Variants in CEACAM4 observed in about 807,000 individuals in gnomAD.
CEACAM4 encodes the protein cell adhesion molecule CEACAM4.
In CEACAM4, 30 loss-of-function variants were observed where a neutral mutation model predicts 28.7. That is an observed-to-expected ratio of 1.05 (90% CI 0.78 to 1.42). The LOEUF (loss-of-function observed/expected upper bound fraction) is 1.42, where lower values mean the gene tolerates loss of function less well. Among genes scored for constraint, CEACAM4 ranks in the 40% most tolerant of loss-of-function variants. CEACAM4 has a pLI of 0.00. For missense variants in CEACAM4, 330 were observed against 308.2 expected, an observed-to-expected ratio of 1.07 and a Z score of -0.53; for synonymous variants, 143 against 126.5, an observed-to-expected ratio of 1.13 and a Z score of -0.87.
Position 41,619,250 on chromosome 19 carries a change from G to C in CEACAM4, c.*80C>G. ...ACTCAGAGCTGGTTCTCTGGCTCAG[G>C]CTCCATGTCCTTCCCCGTCCCCAGG... On this transcript the variant is annotated 3_prime_UTR_variant, in exon 7 of 7. Coordinates refer to ENST00000221954, the MANE Select transcript of CEACAM4 (RefSeq NM_001817.4). 8.4e-7 allele frequency: 1 copy of C among 1,184,220 alleles called. No homozygotes were observed. Among genetic ancestry groups the C allele is most frequent in the Non-Finnish European group, 1.3e-6 (1 of 793,368 alleles). The allele number at this position is 1,184,220 out of a possible 1,614,324, so 73.4% of individuals were successfully genotyped here.
At chr19:41,626,533 C>A (rs532926683) in intron 1 of CEACAM4, among the ~76,000 whole-genome samples, 2 of 152,198 alleles carry the variant, frequency 1.3e-5, no homozygotes, top group Non-Finnish European at 2.9e-5. Flanking sequence ...AGGTTTATTT[C>A]CCAGTGTCTG....
chr19:41,619,520 T>C, intron 6 of CEACAM4, 125 bp from the exon 7 acceptor site: 1 of 1,554,608 alleles, frequency 6.4e-7, no homozygotes, highest in South Asian at 1.2e-5. Context: ...AGGGGGTCCC[T>C]GTTCCCAGGC....
chr19:41,626,984 C>T lies in CEACAM4; in HGVS notation c.-21G>A, dbSNP rs1555804596. 3.1e-6 allele frequency: 5 copies of T among 1,592,366 alleles called. No homozygotes were observed. The highest frequency in any genetic ancestry group is 2.7e-5 in the African/African-American group (2 of 73,492). Reference sequence around the variant, plus strand: ...CCCATGGTCTCTGCTGCCTGCTTGTCCTCTGTGGAGAGGAGCTGGGCTCCA... The same window carrying T: ...CCCATGGTCTCTGCTGCCTGCTTGTTCTCTGTGGAGAGGAGCTGGGCTCCA... On this transcript the variant is annotated 5_prime_UTR_variant, in exon 1 of 7. Transcript: ENST00000221954.
downstream of CEACAM4, among the ~76,000 whole-genome samples, chr19:41,616,648 C>T (rs2070988759): frequency 1.3e-5 from 2 of 152,164 alleles, no homozygotes; most frequent in Admixed American, 1.3e-4. Context: ...GCACAAGGCT[C>T]AGCCTGGAGG....
At chr19:41,622,801 C>T (rs1481838999) in intron 2 of CEACAM4, among the ~76,000 whole-genome samples, 2 of 152,080 alleles carry the variant, frequency 1.3e-5, no homozygotes, top group African/African-American at 2.4e-5. Flanking sequence ...CACAACCACT[C>T]TGAGATCCAG....
intron 2 of CEACAM4, among the ~76,000 whole-genome samples, chr19:41,623,419 A>ATTTTTTTTTTTTTTTTTT (rs57004828): frequency 2.9e-5 from 3 of 105,058 alleles, no homozygotes; most frequent in Admixed American, 1.0e-4. Flanking sequence ...TTCGAACTGC[A>ATTTTTTTTTTTTTTTTTT]TTTTTTTTTT....
At position 41,619,794 on chromosome 19, in the gene CEACAM4, G is replaced by A. The variant is rs553718518; in HGVS notation, c.628-83C>T. ...GCCTGGAAGGTTCCTGTCTCTGATC[G>A]GCCAGGACTTACTTCCCTGCCTCCA... On this transcript the variant is annotated intron_variant, in intron 5 of 6. Transcript: ENST00000221954. The A allele has an allele frequency of 8.2e-5, 97 of 1,178,712 alleles. 1 individual carries two copies. In the South Asian group the frequency reaches 1.4e-3, roughly 17 times the overall value. The allele number at this position is 1,178,712 out of a possible 1,614,324, so 73.0% of individuals were successfully genotyped here.
At chr19:41,616,596 C>T (rs2070988051), downstream of CEACAM4, among the ~76,000 whole-genome samples, 1 of 151,950 alleles carries the variant, frequency 6.6e-6, no homozygotes, top group Non-Finnish European at 1.5e-5. Flanking sequence ...GATTATTTGC[C>T]TATGGAAAGA....
intron 3 of CEACAM4, 66 bp from the exon 4 acceptor site, chr19:41,620,693 G>A: frequency 7.6e-7 from 1 of 1,316,052 alleles, no homozygotes; most frequent in Non-Finnish European, 1.1e-6. Flanking sequence ...GCAGAATAAA[G>A]GACAAGGAAG....
chr19:41,619,303 A>T lies in CEACAM4; in HGVS notation c.*27T>A. ...TGGGAGCTTCGGGGACGCTCCATCA[A>T]CCCACAAGAGCAGCTCCCAGAGGAA... is the stretch of plus-strand genomic sequence containing the variant. On this transcript the variant is annotated 3_prime_UTR_variant, in exon 7 of 7. Coordinates refer to ENST00000221954, the MANE Select transcript of CEACAM4 (RefSeq NM_001817.4). The T allele has an allele frequency of 6.2e-7, 1 of 1,604,364 alleles. No individual in the cohort carries two copies. Among genetic ancestry groups the T allele is most frequent in the South Asian group, 1.1e-5 (1 of 90,878 alleles).
chr19:41,621,810 T>C (rs2071311383), intron 2 of CEACAM4, 42 bp from the exon 3 acceptor site: 1 of 1,222,566 alleles, frequency 8.2e-7, no homozygotes, highest in Non-Finnish European at 1.2e-6. Flanking sequence ...CCCAAGTTTG[T>C]TCCAAGGGAA....
Position 41,625,830 on chromosome 19 carries a change from A to G in CEACAM4, c.195T>C (p.Tyr65=), listed in dbSNP as rs782193894. ...CTGCCGTTTTCCCCTTGTGCCAATAATAGGCTTGAATAGTTTCTGAAATAT... is the reference window on the plus strand; with the variant it reads ...CTGCCGTTTTCCCCTTGTGCCAATAGTAGGCTTGAATAGTTTCTGAAATAT... ...ACNISETIQA[Y]YWHKGKTAEG... Residue 65 remains tyrosine (Y), a synonymous_variant, in exon 2 of 7, where the codon TAT becomes TAC. Coordinates refer to ENST00000221954, the MANE Select transcript of CEACAM4 (RefSeq NM_001817.4). The G allele has an allele frequency of 1.7e-5, 27 of 1,613,896 alleles. No homozygotes were observed. Among genetic ancestry groups the G allele is most frequent in the Non-Finnish European group, 1.9e-5 (23 of 1,180,008 alleles).
chr19:41,620,368 G>C lies in CEACAM4; in HGVS notation c.596-126C>G, dbSNP rs782798673. On this transcript the variant is annotated intron_variant, in intron 4 of 6. Coordinates refer to ENST00000221954, the MANE Select transcript of CEACAM4 (RefSeq NM_001817.4). Reference sequence around the variant, plus strand: ...GGGAGCCTCTTCCCAGGGGAGACCTGAGCAGCTGAGGTCGAGGAGGTGACC... The same window carrying C: ...GGGAGCCTCTTCCCAGGGGAGACCTCAGCAGCTGAGGTCGAGGAGGTGACC... 4.1e-6 allele frequency: 4 copies of C among 974,158 alleles called. No individual in the cohort carries two copies. The East Asian group carries it at 1.2e-4, about 28-fold the overall frequency. 60.3% of individuals were successfully genotyped at this position (974,158 alleles called of 1,614,324 possible).
intron 6 of CEACAM4, 69 bp downstream of exon 6, chr19:41,619,601 G>A: frequency 1.3e-6 from 2 of 1,566,116 alleles, no homozygotes; most frequent in Non-Finnish European, 1.7e-6. Context: ...GCTCAGCCAG[G>A]TGCTGGTGGG....
chr19:41,620,773 G>A, intron 3 of CEACAM4, 146 bp from the exon 4 acceptor site: 1 of 720,514 alleles, frequency 1.4e-6, no homozygotes, highest in Non-Finnish European at 2.4e-6. Context: ...AGCGGCCGAG[G>A]ACGGGGAGCT....
downstream of CEACAM4, among the ~76,000 whole-genome samples, chr19:41,615,256 A>G (rs1555798689): frequency 6.6e-6 from 1 of 152,034 alleles, no homozygotes; most frequent in Admixed American, 6.5e-5. Flanking sequence ...CCTGCTGTTC[A>G]TCAGAGCCTC....
chr19:41,621,010 G>C (rs1177333984), intron 3 of CEACAM4, among the ~76,000 whole-genome samples: 1 of 152,058 alleles, frequency 6.6e-6, no homozygotes, highest in African/African-American at 2.4e-5. Context: ...GGCATGGGGA[G>C]GCAAGGAGCA....
At chr19:41,622,569 C>A (rs1219498628) in intron 2 of CEACAM4, among the ~76,000 whole-genome samples, 1 of 152,192 alleles carries the variant, frequency 6.6e-6, no homozygotes, top group Non-Finnish European at 1.5e-5. Context: ...AGGGGCATCA[C>A]CGCCATCTGC....
chr19:41,614,447 TA>T (rs1316692062), downstream of CEACAM4, among the ~76,000 whole-genome samples: 3 of 152,224 alleles, frequency 2.0e-5, no homozygotes, highest in Admixed American at 2.0e-4. Context: ...CTGTAGGGAC[TA>T]AACTGCAGTC....
Sources: gnomAD v4.1 joint callset for allele counts (sites outside exome capture counted in the v4.1 genomes callset) on GRCh38, gnomAD v4.1.1 for gene constraint, MANE v1.5 for transcripts, NCBI Gene and HGNC (gene_info 2026-07-23, HGNC 2026-07-21) for gene names.